Variants in SKAP1 observed in about 807,000 individuals in gnomAD.
The protein encoded by SKAP1 is src kinase associated phosphoprotein 1.
SKAP1 carries 44 observed loss-of-function variants against 58.5 expected under a neutral mutation model. The ratio of observed to expected loss-of-function variants is 0.75; its 90% confidence interval spans 0.59 to 0.97. The LOEUF (loss-of-function observed/expected upper bound fraction) is 0.97. SKAP1 is among the 50% of genes least tolerant of loss of function. The probability of loss-of-function intolerance (pLI) is 0.00; values close to 1 mark genes in which losing one functional copy is unlikely to be tolerated. For synonymous variants in SKAP1, 127 were observed against 149.7 expected, an observed-to-expected ratio of 0.85 and a Z score of 1.11; for missense variants, 390 against 435.2, an observed-to-expected ratio of 0.90 and a Z score of 0.92.
At chr17:48,148,054 G>A (rs1446655215) in intron 11 of SKAP1, among the ~76,000 whole-genome samples, 1 of 152,122 alleles carries the variant, frequency 6.6e-6, no homozygotes, top group Non-Finnish European at 1.5e-5. Context: ...TCTCTAGATG[G>A]AGGGTCTCAG....
At chr17:48,404,435 A>C (rs1358018110) in intron 1 of SKAP1, among the ~76,000 whole-genome samples, 1 of 152,164 alleles carries the variant, frequency 6.6e-6, no homozygotes, top group African/African-American at 2.4e-5. Context: ...CTGGGCAAGA[A>C]GGGTGAAACT....
chr17:48,294,961 A>C (rs1443445148), intron 4 of SKAP1, among the ~76,000 whole-genome samples: 2 of 152,198 alleles, frequency 1.3e-5, no homozygotes, highest in African/African-American at 4.8e-5. Flanking sequence ...ATGTGACAAA[A>C]AGAGCCAGCA....
At chr17:48,296,731 A>G (rs1435007198) in intron 4 of SKAP1, among the ~76,000 whole-genome samples, 5 of 152,160 alleles carry the variant, frequency 3.3e-5, no homozygotes, top group Non-Finnish European at 5.9e-5. Flanking sequence ...TATTCTCTCC[A>G]TTCCAGTCTT....
chr17:48,373,780 T>C (rs1388009972), intron 2 of SKAP1, among the ~76,000 whole-genome samples: 1 of 152,140 alleles, frequency 6.6e-6, no homozygotes, highest in Non-Finnish European at 1.5e-5. Context: ...CCAAAAATGA[T>C]ATGACCCACT....
intron 4 of SKAP1, chr17:48,203,665 G>A (rs1049094190): frequency 2.0e-5 from 3 of 152,206 alleles, no homozygotes; most frequent in Middle Eastern, 3.4e-3. Context: ...CTGTCACAGG[G>A]GCAGAGAAGT....
intron 4 of SKAP1, among the ~76,000 whole-genome samples, chr17:48,219,127 A>C (rs1372273200): frequency 6.6e-6 from 1 of 152,236 alleles, no homozygotes; most frequent in Non-Finnish European, 1.5e-5. Context: ...AAACACACAG[A>C]TTTCCAATAG....
chr17:48,300,160 G>C (rs1265207649), intron 4 of SKAP1, among the ~76,000 whole-genome samples: 1 of 152,138 alleles, frequency 6.6e-6, no homozygotes, highest in African/African-American at 2.4e-5. Context: ...ATCATCCAAG[G>C]AGGGCTCTGC....
intron 4 of SKAP1, among the ~76,000 whole-genome samples, chr17:48,326,122 C>G (rs1368508001): frequency 3.9e-5 from 6 of 152,112 alleles, no homozygotes; most frequent in Non-Finnish European, 8.8e-5. Context: ...TGTTATAACA[C>G]TTTGTAATCC....
chr17:48,288,308 T>G (rs1057219408), intron 4 of SKAP1, among the ~76,000 whole-genome samples: 1 of 152,224 alleles, frequency 6.6e-6, no homozygotes, highest in African/African-American at 2.4e-5. Flanking sequence ...AGTTATATCT[T>G]AAGGGTTTTT....
intron 4 of SKAP1, among the ~76,000 whole-genome samples, chr17:48,342,799 C>T (rs1275556374): frequency 6.6e-6 from 1 of 152,098 alleles, no homozygotes; most frequent in Admixed American, 6.5e-5. Flanking sequence ...TCCTGGCTAA[C>T]ACGGTGAAAC....
At chr17:48,248,972 G>A (rs2065330395) in intron 4 of SKAP1, 1 of 152,114 alleles carries the variant, frequency 6.6e-6, no homozygotes, top group East Asian at 1.9e-4. Flanking sequence ...GAGGCGGGCG[G>A]ATCACGAGGT....
At chr17:48,179,992 C>T (rs1366923305) in intron 9 of SKAP1, 62 bp downstream of exon 9, 8 of 1,428,266 alleles carry the variant, frequency 5.6e-6, no homozygotes, top group East Asian at 2.3e-5. Flanking sequence ...AGTTATTATT[C>T]TTCCACCAGG....
intron 4 of SKAP1, among the ~76,000 whole-genome samples, chr17:48,226,973 TG>T (rs1402092058): frequency 6.6e-6 from 1 of 152,214 alleles, no homozygotes; most frequent in Admixed American, 6.5e-5. Flanking sequence ...TTGAGCTTCC[TG>T]TCTTGCCTCA....
chr17:48,280,296 G>A (rs1403019993), intron 4 of SKAP1, among the ~76,000 whole-genome samples: 6 of 151,932 alleles, frequency 3.9e-5, no homozygotes, highest in South Asian at 4.2e-4. Context: ...ATGGTGAAAC[G>A]CCGTCTCTAC....
At chr17:48,257,044 G>A (rs1357719892) in intron 4 of SKAP1, among the ~76,000 whole-genome samples, 1 of 151,628 alleles carries the variant, frequency 6.6e-6, no homozygotes, top group Non-Finnish European at 1.5e-5. Context: ...ATAAAGAGAT[G>A]AAAAAACACA....
intron 4 of SKAP1, among the ~76,000 whole-genome samples, chr17:48,222,203 T>C (rs1207599190): frequency 1.3e-5 from 2 of 152,076 alleles, no homozygotes; most frequent in Admixed American, 1.3e-4. Flanking sequence ...TAAAAAGAGC[T>C]TGGTCTAAAG....
chr17:48,286,699 C>A (rs1362364418), intron 4 of SKAP1, among the ~76,000 whole-genome samples: 4 of 152,228 alleles, frequency 2.6e-5, no homozygotes, highest in Non-Finnish European at 4.4e-5. Context: ...CACACACACA[C>A]TCGACTTCTT....
intron 2 of SKAP1, among the ~76,000 whole-genome samples, chr17:48,374,629 T>C (rs1356298010): frequency 2.0e-5 from 3 of 152,238 alleles, no homozygotes; most frequent in African/African-American, 7.2e-5. Flanking sequence ...GAAGTTTATT[T>C]ATGCCCAAGG....
chr17:48,438,123 A>G, the SKAP1 span, among the ~76,000 whole-genome samples: 1 of 152,218 alleles, frequency 6.6e-6, no homozygotes, highest in Non-Finnish European at 1.5e-5. Context: ...TCCTAAAGTC[A>G]GACAACCCTG....
Sources: gnomAD v4.1 joint callset for allele counts (sites outside exome capture counted in the v4.1 genomes callset) on GRCh38, gnomAD v4.1.1 for gene constraint, MANE v1.5 for transcripts, NCBI Gene and HGNC (gene_info 2026-07-23, HGNC 2026-07-21) for gene names.